Variants in DYNC1I1 observed in about 807,000 individuals in gnomAD.
The protein encoded by DYNC1I1 is cytoplasmic dynein 1 intermediate chain 1.
Under a neutral mutation model 86.6 loss-of-function variants are expected in DYNC1I1, and 43 were observed. That is an observed-to-expected ratio of 0.50 (90% CI 0.39 to 0.64). DYNC1I1 has a LOEUF of 0.64. DYNC1I1 is among the 30% of genes least tolerant of loss of function. DYNC1I1 has a pLI of 0.00. For missense variants in DYNC1I1, 604 were observed against 788.8 expected (o/e 0.77, Z 2.81); for synonymous variants, 262 against 283.7 (o/e 0.92, Z 0.77).
intron 14 of DYNC1I1, among the ~76,000 whole-genome samples, chr7:96,074,126 A>G (rs756365119): frequency 2.6e-5 from 4 of 152,240 alleles, no homozygotes; most frequent in Non-Finnish European, 4.4e-5. Flanking sequence ...TCATTTTGTT[A>G]TCTCAATGTC....
chr7:95,872,103 T>G (rs1790187576), intron 6 of DYNC1I1, among the ~76,000 whole-genome samples: 1 of 152,132 alleles, frequency 6.6e-6, no homozygotes, highest in Non-Finnish European at 1.5e-5. Flanking sequence ...TCACCTGCTG[T>G]GGGGAGGTGG....
chr7:95,990,584 G>C (rs1301412067), intron 9 of DYNC1I1, among the ~76,000 whole-genome samples: 1 of 152,034 alleles, frequency 6.6e-6, no homozygotes, highest in East Asian at 1.9e-4. Flanking sequence ...ACTTTTACCT[G>C]GTTAATCTTT....
chr7:96,077,777 A>G (rs1363008575), intron 15 of DYNC1I1, among the ~76,000 whole-genome samples: 1 of 152,220 alleles, frequency 6.6e-6, no homozygotes, highest in Non-Finnish European at 1.5e-5. Flanking sequence ...ACTCCTTAAC[A>G]ATTCCTATGT....
At chr7:95,803,960 G>T (rs1794644062) in intron 1 of DYNC1I1, among the ~76,000 whole-genome samples, 1 of 152,108 alleles carries the variant, frequency 6.6e-6, no homozygotes, top group South Asian at 2.1e-4. Context: ...ATTAAATCTT[G>T]TTTGGATAAA....
At chr7:95,907,394 C>G (rs914360040) in intron 6 of DYNC1I1, among the ~76,000 whole-genome samples, 1 of 152,102 alleles carries the variant, frequency 6.6e-6, no homozygotes, top group Non-Finnish European at 1.5e-5. Flanking sequence ...TTCTGTCTTC[C>G]CGGAGAATAA....
intron 6 of DYNC1I1, among the ~76,000 whole-genome samples, chr7:95,921,549 C>T (rs1791609993): frequency 6.6e-6 from 1 of 152,172 alleles, no homozygotes; most frequent in East Asian, 1.9e-4. Flanking sequence ...ATGGTCTGGG[C>T]TTCATCATCA....
intron 14 of DYNC1I1, among the ~76,000 whole-genome samples, chr7:96,053,108 T>C (rs533553859): frequency 5.3e-5 from 8 of 152,344 alleles, no homozygotes; most frequent in African/African-American, 1.9e-4. Flanking sequence ...CATAAAATGA[T>C]AGCGACTTCA....
intron 1 of DYNC1I1, among the ~76,000 whole-genome samples, chr7:95,796,613 C>T (rs1794442245): frequency 6.6e-6 from 1 of 152,056 alleles, no homozygotes; most frequent in East Asian, 1.9e-4. Context: ...ATGTTTAATG[C>T]TGAGTGATTT....
chr7:96,024,853 T>C (rs1269572405), intron 10 of DYNC1I1, among the ~76,000 whole-genome samples: 1 of 152,164 alleles, frequency 6.6e-6, no homozygotes, highest in Non-Finnish European at 1.5e-5. Context: ...TTATTCACAG[T>C]CAGTAAATTC....
At chr7:95,804,913 A>C in intron 2 of DYNC1I1, 76 bp downstream of exon 2, 3 of 1,499,958 alleles carry the variant, frequency 2.0e-6, no homozygotes, top group Non-Finnish European at 2.7e-6. Flanking sequence ...CAAATGGATA[A>C]ATAGGACTCC....
At chr7:95,899,097 A>C (rs1790966892) in intron 6 of DYNC1I1, among the ~76,000 whole-genome samples, 1 of 152,228 alleles carries the variant, frequency 6.6e-6, no homozygotes, top group Admixed American at 6.5e-5. Flanking sequence ...GAAATCCACA[A>C]GTCTCAGACC....
At position 96,097,571 on chromosome 7, in the gene DYNC1I1, G is replaced by C; in HGVS notation, c.1865G>C (p.Gly622Ala). The change falls in exon 17 of 17, where the codon GGC (glycine) becomes GCC (alanine). Residue 622 changes from glycine to alanine, a missense_variant. Coordinates refer to ENST00000447467, the MANE Select transcript of DYNC1I1 (RefSeq NM_001135556.2). ...AACAGAGCTGATAGCGAGGAGGAAG[G>C]CACTGTTGAGTTATCTGCCTAGTGG... Reference protein sequence around the residue: ...RANRADSEEEGTVELSA With the variant: ...RANRADSEEEATVELSA The C allele has an allele frequency of 6.2e-7, 1 of 1,613,730 alleles. No homozygotes were observed.
chr7:95,809,330 T>C (rs979812896), intron 2 of DYNC1I1, among the ~76,000 whole-genome samples: 1 of 152,140 alleles, frequency 6.6e-6, no homozygotes, highest in African/African-American at 2.4e-5. Context: ...TGAAAGGTAT[T>C]CTACATGCCC....
intron 14 of DYNC1I1, among the ~76,000 whole-genome samples, chr7:96,061,354 A>G (rs1789758822): frequency 1.3e-5 from 2 of 152,118 alleles, no homozygotes; most frequent in Admixed American, 1.3e-4. Flanking sequence ...AGCTATTTGT[A>G]CTGAGCCTGT....
chr7:96,054,678 C>T (rs183590028), intron 14 of DYNC1I1, among the ~76,000 whole-genome samples: 3 of 152,132 alleles, frequency 2.0e-5, no homozygotes, highest in African/African-American at 7.2e-5. Flanking sequence ...GATCTCCATT[C>T]TAACTGACAG....
intron 10 of DYNC1I1, among the ~76,000 whole-genome samples, chr7:96,018,464 G>T (rs980578450): frequency 2.0e-5 from 3 of 152,182 alleles, no homozygotes; most frequent in Admixed American, 2.0e-4. Flanking sequence ...ATACAGCGAT[G>T]TGTAGTATAT....
intron 1 of DYNC1I1, among the ~76,000 whole-genome samples, chr7:95,774,646 C>T (rs1446013401): frequency 1.3e-5 from 2 of 152,156 alleles, no homozygotes; most frequent in East Asian, 1.9e-4. Flanking sequence ...TCAGAGAAGG[C>T]TCTAGGGTCT....
At chr7:95,963,312 T>C (rs1330793792) in intron 6 of DYNC1I1, among the ~76,000 whole-genome samples, 2 of 152,224 alleles carry the variant, frequency 1.3e-5, no homozygotes. Flanking sequence ...CATACATTTG[T>C]CGTTTCCCTG....
At chr7:96,107,165 T>G (rs1051037395) in intron 16 of DYNC1I1, among the ~76,000 whole-genome samples, 2 of 152,056 alleles carry the variant, frequency 1.3e-5, no homozygotes, top group Non-Finnish European at 2.9e-5. Context: ...AAGCTGAGAT[T>G]ACAGGTGCCC....
Sources: gnomAD v4.1 joint callset for allele counts (sites outside exome capture counted in the v4.1 genomes callset) on GRCh38, gnomAD v4.1.1 for gene constraint, MANE v1.5 for transcripts, NCBI Gene and HGNC (gene_info 2026-07-23, HGNC 2026-07-21) for gene names.